The following COG7 variants were observed in gnomAD, a reference collection of about 807,000 sequenced individuals.
The protein encoded by COG7 is component of oligomeric golgi complex 7.
COG7 carries 49 observed loss-of-function variants against 91.5 expected under a neutral mutation model. The ratio of observed to expected loss-of-function variants is 0.54; its 90% CI spans 0.43 to 0.68. The LOEUF (loss-of-function observed/expected upper bound fraction) is 0.68, where lower values mean the gene tolerates loss of function less well. Ranked by LOEUF, COG7 falls within the 30% of genes least tolerant of loss-of-function variation. The pLI is 0.00. For missense variants in COG7, 895 were observed against 961.3 expected, an observed-to-expected ratio of 0.93 and a Z score of 0.91; for synonymous variants, 365 against 388.7, an observed-to-expected ratio of 0.94 and a Z score of 0.72.
intron 11 of COG7, 38 bp from the exon 12 acceptor site, chr16:23,406,300 T>C (rs1963461018): frequency 6.4e-7 from 1 of 1,561,104 alleles, no homozygotes. Flanking sequence ...CCTGAGCTAT[T>C]TGCATGGAAC....
chr16:23,446,307 T>G, intron 1 of COG7: 1 of 380,328 alleles, frequency 2.6e-6, no homozygotes, highest in Non-Finnish European at 4.9e-6. Context: ...ATCATATTAC[T>G]TAATGTCCAC....
chr16:23,392,420 C>G lies in COG7; in HGVS notation c.2106G>C (p.Glu702Asp), dbSNP rs1366920728. The G allele has an allele frequency of 5.0e-6, 8 of 1,614,034 alleles. No individual in the cohort carries two copies. Among genetic ancestry groups the G allele is most frequent in the Non-Finnish European group, 6.8e-6 (8 of 1,180,050 alleles). Residue 702 changes from glutamate (E) to aspartate (D), a missense_variant, in exon 16 of 17, where the codon GAG becomes GAC. Transcript: ENST00000307149. ...TYCDAILQIP[E>D]LSPHSAKQLA... is the part of the protein sequence containing the mutation. ...GCTGCTTGGCAGAGTGTGGGCTCAGCTCAGGGATCTGTAGGATCGCATCAC... is the reference window on the plus strand; with the variant it reads ...GCTGCTTGGCAGAGTGTGGGCTCAGGTCAGGGATCTGTAGGATCGCATCAC...
intron 1 of COG7, among the ~76,000 whole-genome samples, chr16:23,449,054 T>C (rs1003855558): frequency 5.3e-5 from 8 of 152,140 alleles, no homozygotes; most frequent in Non-Finnish European, 1.0e-4. Context: ...TGTCACCCCT[T>C]TAATGCAACA....
chr16:23,403,826 C>G lies in COG7; in HGVS notation c.1671G>C (p.Gly557=), dbSNP rs1330714398. The G allele has an allele frequency of 6.2e-7, 1 of 1,614,216 alleles. No individual in the cohort carries two copies. Among genetic ancestry groups the G allele is most frequent in the Admixed American group, 1.7e-5 (1 of 60,026 alleles). The change falls in exon 13 of 17, where the codon GGG becomes GGC. Residue 557 remains glycine (G), a synonymous_variant. Coordinates refer to ENST00000307149, the MANE Select transcript of COG7 (RefSeq NM_153603.4). ...CAGCCAGCAGGTTGTGGTTGCTTGA[C>G]CCTTTTTCCTAAGACAAGAAAATGC... ...MEILYTLKEK[G]SSNHNLLAAP... is the part of the protein sequence containing the mutation.
At chr16:23,437,559 AC>A (rs1362977603) in intron 4 of COG7, among the ~76,000 whole-genome samples, 3 of 152,216 alleles carry the variant, frequency 2.0e-5, no homozygotes, top group Non-Finnish European at 4.4e-5. Flanking sequence ...GGAGATGAGT[AC>A]TGAGGCCATT....
chr16:23,391,284 C>G (rs1038097380), intron 16 of COG7, among the ~76,000 whole-genome samples: 1 of 152,190 alleles, frequency 6.6e-6, no homozygotes, highest in African/African-American at 2.4e-5. Context: ...GGGGCAATCC[C>G]TAGATTTCAC....
chr16:23,407,703 A>G (rs1467971539), intron 11 of COG7, among the ~76,000 whole-genome samples: 1 of 152,170 alleles, frequency 6.6e-6, no homozygotes, highest in African/African-American at 2.4e-5. Context: ...AATTACTAGC[A>G]CTAGCACAGT....
At chr16:23,433,399 T>A (rs577068753) in intron 6 of COG7, 146 bp downstream of exon 6, 1 of 1,078,586 alleles carries the variant, frequency 9.3e-7, no homozygotes, top group South Asian at 1.3e-5. Context: ...CCTAACTGGT[T>A]ATTTTTTAAC....
chr16:23,452,288 G>A (rs376273711), intron 1 of COG7, among the ~76,000 whole-genome samples: 4 of 152,254 alleles, frequency 2.6e-5, no homozygotes, highest in Non-Finnish European at 5.9e-5. Flanking sequence ...CAGGCCAGAT[G>A]TGGTGGCTCA....
intron 6 of COG7, 58 bp downstream of exon 6, chr16:23,433,487 C>A: frequency 1.2e-6 from 2 of 1,611,474 alleles, no homozygotes; most frequent in South Asian, 2.2e-5. Context: ...CCGAGGCAGT[C>A]ACCCGTTCCC....
chr16:23,447,627 C>T (rs997565458), intron 1 of COG7, among the ~76,000 whole-genome samples: 1 of 151,736 alleles, frequency 6.6e-6, no homozygotes, highest in East Asian at 2.0e-4. Flanking sequence ...CCTGGCCAGG[C>T]GTGGTGGCTC....
At chr16:23,417,281 G>C in intron 8 of COG7, 160 bp from the exon 9 acceptor site, 1 of 736,962 alleles carries the variant, frequency 1.4e-6, no homozygotes, top group East Asian at 2.7e-5. Context: ...CCTGAATCAA[G>C]GGAGAACAGT....
intron 6 of COG7, among the ~76,000 whole-genome samples, chr16:23,426,834 AAAAGAAAGAAAGAAAG>A (rs1227960398): frequency 1.4e-5 from 2 of 146,058 alleles, no homozygotes; most frequent in African/African-American, 5.1e-5. Context: ...AAAAAAAAAA[AAAAGAAAGAAAGAAAG>A]AAAGAAAGAA....
chr16:23,410,276 AATGACT>A lies in COG7; in HGVS notation c.1475+13_1475+18del, dbSNP rs766894898. On this transcript the variant is annotated intron_variant, in intron 11 of 16. Coordinates refer to ENST00000307149, the MANE Select transcript of COG7 (RefSeq NM_153603.4). ...TCAGGAACCCCAGGGTGTAGAGGAC[AATGACT>A]CCTCTCTCCTACCTGTTGGCTAGCT... The A allele has an allele frequency of 3.1e-6, 5 of 1,607,534 alleles. No homozygotes were observed. The highest frequency in any genetic ancestry group is 4.3e-6 in the Non-Finnish European group (5 of 1,174,344).
intron 7 of COG7, among the ~76,000 whole-genome samples, chr16:23,423,021 G>A (rs1963784699): frequency 6.7e-6 from 1 of 148,734 alleles, no homozygotes; most frequent in South Asian, 2.2e-4. Context: ...CTCCAGCCTG[G>A]GCAACAAAGC....
intron 13 of COG7, 125 bp downstream of exon 13, chr16:23,403,569 G>A: frequency 8.0e-7 from 1 of 1,242,404 alleles, no homozygotes; most frequent in Non-Finnish European, 1.2e-6. Context: ...GCTCTTTCCG[G>A]CTTGGGAAAG....
intron 12 of COG7, among the ~76,000 whole-genome samples, chr16:23,405,273 C>T (rs1237247219): frequency 1.3e-5 from 2 of 152,184 alleles, no homozygotes; most frequent in African/African-American, 2.4e-5. Flanking sequence ...GACTCTGCAG[C>T]CTGGCTTCTC....
At chr16:23,430,161 T>C (rs1162870864) in intron 6 of COG7, among the ~76,000 whole-genome samples, 7 of 152,228 alleles carry the variant, frequency 4.6e-5, no homozygotes, top group Admixed American at 4.6e-4. Flanking sequence ...GGTTCACTCC[T>C]GTAATCCCAG....
In COG7 at chr16:23,409,088, T is replaced by TGTGTGTGTGCGCGC. The variant is rs567307217; in HGVS notation, c.1475+1206_1475+1207insGCGCGCACACACAC. Among the ~76,000 whole-genome samples, 228 of 147,894 alleles carry TGTGTGTGTGCGCGC rather than the reference T, an allele frequency of 1.5e-3. 1 individual carries two copies. Among genetic ancestry groups the TGTGTGTGTGCGCGC allele is most frequent in the African/African-American group, 3.8e-3 (151 of 39,550 alleles). On this transcript the variant is annotated intron_variant, in intron 11 of 16. Transcript: ENST00000307149. ...GCGTGTGTGTGTGTGTGTGTGTGTGTGCGTGCATGTGTGTGTGTGTGTGTG... is the reference window on the plus strand; with the variant it reads ...GCGTGTGTGTGTGTGTGTGTGTGTGTGTGTGTGTGCGCGCGCGTGCATGTGTGTGTGTGTGTGTG...
Sources: gnomAD v4.1 joint callset for allele counts (sites outside exome capture counted in the v4.1 genomes callset) on GRCh38, gnomAD v4.1.1 for gene constraint, MANE v1.5 for transcripts, NCBI Gene and HGNC (gene_info 2026-07-23, HGNC 2026-07-21) for gene names.